The following GPR39 variants were observed in gnomAD, a reference collection of about 807,000 sequenced individuals.
The protein encoded by GPR39 is G protein-coupled receptor 39.
Under a neutral mutation model 18.4 loss-of-function variants are expected in GPR39, and 23 were observed. The ratio of observed to expected loss-of-function variants is 1.25; its 90% confidence interval spans 0.90 to 1.77. The LOEUF (loss-of-function observed/expected upper bound fraction) is 1.77. GPR39 is among the 40% of genes most tolerant of loss of function. The probability of loss-of-function intolerance (pLI) is 0.00; values close to 1 mark genes in which losing one functional copy is unlikely to be tolerated. For synonymous variants in GPR39, 280 were observed against 257.9 expected (o/e 1.09, Z -0.82); for missense variants, 647 against 602.4 (o/e 1.07, Z -0.78).
At chr2:132,449,926 T>A (rs1680604112) in intron 1 of GPR39, among the ~76,000 whole-genome samples, 1 of 152,102 alleles carries the variant, frequency 6.6e-6, no homozygotes, top group African/African-American at 2.4e-5. Context: ...CCTGGTACAA[T>A]CTCCTACAGG....
Position 132,417,711 on chromosome 2 carries a change from C to A in GPR39, c.669C>A (p.Ser223Arg). ...GCCGCTGGACCGTGTTCCAGTCCAG[C>A]ATCTTCGGCGCCTTCGTGGTCTACC... ...LSSRWTVFQSSIFGAFVVYLV... is the reference protein window; with the variant it reads ...LSSRWTVFQSRIFGAFVVYLV... Residue 223 changes from serine (S) to arginine (R), a missense_variant, in exon 1 of 2, where the codon AGC becomes AGA. Around this residue, in one of 3 missense-constraint regions of GPR39, gnomAD observed 581 missense variants for 506.8 expected, o/e 1.15. Coordinates refer to ENST00000329321, the MANE Select transcript of GPR39 (RefSeq NM_001508.3). 1 of 1,614,208 alleles carries A rather than the reference C, an allele frequency of 6.2e-7. No individual in the cohort carries two copies. The highest frequency in any genetic ancestry group is 8.5e-7 in the Non-Finnish European group (1 of 1,180,032).
intron 1 of GPR39, among the ~76,000 whole-genome samples, chr2:132,440,402 G>C (rs1433211629): frequency 6.6e-6 from 1 of 152,194 alleles, no homozygotes; most frequent in Non-Finnish European, 1.5e-5. Flanking sequence ...GGACTGCTGG[G>C]TTCCAATCCC....
At position 132,641,072 on chromosome 2, in the gene GPR39, T is replaced by G. The variant is rs7603846; in HGVS notation, c.857-4029T>G. 2.6e-3 allele frequency among the ~76,000 whole-genome samples: 400 copies of G among 152,320 alleles called. 4 individuals are homozygous for G. The highest frequency in any genetic ancestry group is 9.1e-3 in the African/African-American group (380 of 41,572). Reference sequence around the variant, plus strand: ...ACACAGGAAGAAAAGCGCCAGCCATTTTCCCCACCTCCAGTTGAGGCAGGG... The same window carrying G: ...ACACAGGAAGAAAAGCGCCAGCCATGTTCCCCACCTCCAGTTGAGGCAGGG... On this transcript the variant is annotated intron_variant, in intron 1 of 1. Coordinates refer to ENST00000329321, the MANE Select transcript of GPR39 (RefSeq NM_001508.3).
chr2:132,480,836 G>A (rs940361286), intron 1 of GPR39, among the ~76,000 whole-genome samples: 10 of 152,080 alleles, frequency 6.6e-5, no homozygotes, highest in African/African-American at 9.7e-5. Context: ...TTTGTTTTGC[G>A]TTTTCTCTCA....
chr2:132,490,131 G>T (rs1338579856), intron 1 of GPR39, among the ~76,000 whole-genome samples: 1 of 151,892 alleles, frequency 6.6e-6, no homozygotes, highest in East Asian at 1.9e-4. Flanking sequence ...CCTACTAGTT[G>T]AAAGAGCCAG....
chr2:132,481,229 G>A (rs1008724690), intron 1 of GPR39, among the ~76,000 whole-genome samples: 1 of 152,182 alleles, frequency 6.6e-6, no homozygotes, highest in Admixed American at 6.5e-5. Context: ...GTTTACAAAT[G>A]TATTCGTGTC....
intron 1 of GPR39, among the ~76,000 whole-genome samples, chr2:132,449,036 T>A (rs1273764789): frequency 6.6e-6 from 1 of 152,158 alleles, no homozygotes; most frequent in African/African-American, 2.4e-5. Context: ...AAATACCACC[T>A]TGCATGGTAT....
rs573981417 is a variant in GPR39, at chr2:132,533,401, G to A, written c.857-111700G>A. ...CTCATGGGTAGGAAGAATCAATATC[G>A]TGAAAATGGCCATACTGCCCCAGGT... On this transcript the variant is annotated intron_variant, in intron 1 of 1. Coordinates refer to ENST00000329321, the MANE Select transcript of GPR39 (RefSeq NM_001508.3). Among the ~76,000 whole-genome samples the A allele has an allele frequency of 3.0e-4, 43 of 141,856 alleles. 1 individual carries two copies. The highest frequency in any genetic ancestry group is 8.2e-4 in the East Asian group (3 of 3,670). The allele number at this position is 141,856 out of a possible 152,430, so 93.1% of individuals were successfully genotyped here. A position where few individuals can be genotyped will look rare whatever the true frequency, so the allele number is the denominator to read the frequency against.
intron 1 of GPR39, among the ~76,000 whole-genome samples, chr2:132,448,908 C>T (rs1680585099): frequency 6.6e-6 from 1 of 152,158 alleles, no homozygotes; most frequent in South Asian, 2.1e-4. Flanking sequence ...TTTTTGGTAC[C>T]TTTCTGAGTA....
intron 1 of GPR39, among the ~76,000 whole-genome samples, chr2:132,472,994 C>T (rs1413343790): frequency 2.0e-5 from 3 of 152,014 alleles, no homozygotes; most frequent in African/African-American, 7.3e-5. Context: ...CCCTGCACCA[C>T]CAGATTTGCT....
intron 1 of GPR39, among the ~76,000 whole-genome samples, chr2:132,424,977 C>T (rs534757521): frequency 1.4e-4 from 22 of 152,292 alleles, no homozygotes; most frequent in South Asian, 2.1e-4. Context: ...AGGCCCAAAC[C>T]GCCCCCATGT....
At position 132,451,174 on chromosome 2, in the gene GPR39, T is replaced by TGTGTGCGC. The variant is rs3219552; in HGVS notation, c.856+33277_856+33278insTGTGCGCG. ...GTGTGTGTGTGTGTGTGTGTGTGTG[T>TGTGTGCGC]GCACGCGCGTGAAATGCTTTGCCCT... On this transcript the variant is annotated intron_variant, in intron 1 of 1. Coordinates refer to ENST00000329321, the MANE Select transcript of GPR39 (RefSeq NM_001508.3). Among the ~76,000 whole-genome samples the TGTGTGCGC allele has an allele frequency of 1.4e-3, 217 of 150,460 alleles. 4 individuals carry two copies. The highest frequency in any genetic ancestry group is 7.7e-4 in the Non-Finnish European group (52 of 67,614).
chr2:132,518,205 T>G (rs1355088088), intron 1 of GPR39, among the ~76,000 whole-genome samples: 6 of 152,204 alleles, frequency 3.9e-5, no homozygotes. Flanking sequence ...TTTATTATAA[T>G]TATTGAAAGC....
chr2:132,430,621 T>G (rs532320094), intron 1 of GPR39, among the ~76,000 whole-genome samples: 7 of 152,204 alleles, frequency 4.6e-5, no homozygotes, highest in African/African-American at 1.7e-4. Flanking sequence ...CATCCCATCT[T>G]TGTTGCCACT....
intron 1 of GPR39, among the ~76,000 whole-genome samples, chr2:132,466,156 A>G (rs1054179026): frequency 6.6e-6 from 1 of 152,174 alleles, no homozygotes; most frequent in Admixed American, 6.5e-5. Flanking sequence ...TAACATCCAC[A>G]GGGGTTTGGA....
At chr2:132,438,573 C>CTTTTTTTTTTTTTTTTTTTTT (rs35614907) in intron 1 of GPR39, among the ~76,000 whole-genome samples, 16 of 97,762 alleles carry the variant, frequency 1.6e-4, no homozygotes, top group South Asian at 3.6e-4. Context: ...TGTCAGCAAG[C>CTTTTTTTTTTTTTTTTTTTTT]TTTTTTTTTT....
intron 1 of GPR39, among the ~76,000 whole-genome samples, chr2:132,540,233 T>A (rs560133399): frequency 6.8e-6 from 1 of 146,588 alleles, no homozygotes; most frequent in South Asian, 2.2e-4. Context: ...AAAATTGTCA[T>A]ACTAAGCCCT....
intron 1 of GPR39, among the ~76,000 whole-genome samples, chr2:132,615,506 G>C (rs947953624): frequency 6.6e-6 from 1 of 152,110 alleles, no homozygotes; most frequent in African/African-American, 2.4e-5. Context: ...CTTTATTGGA[G>C]AGCAGGCCTG....
rs1553451621 is a variant in GPR39, at chr2:132,492,858, T to TACCATATATGTAC, written c.856+74970_856+74982dup. Among the ~76,000 whole-genome samples, 1,213 of 140,810 alleles carry TACCATATATGTAC rather than the reference T, an allele frequency of 8.6e-3. 26 individuals are homozygous for TACCATATATGTAC. The highest frequency in any genetic ancestry group is 0.031 in the African/African-American group (1,152 of 37,684). The allele number at this position is 140,810 out of a possible 152,430, so 92.4% of individuals were successfully genotyped here. On this transcript the variant is annotated intron_variant, in intron 1 of 1. Coordinates refer to ENST00000329321, the MANE Select transcript of GPR39 (RefSeq NM_001508.3). Reference sequence around the variant, plus strand: ...ACACACCATATATACACCATATATATACCATATATGTACACCATATATATA... The same window carrying TACCATATATGTAC: ...ACACACCATATATACACCATATATATACCATATATGTACACCATATATGTACACCATATATATA...
Sources: allele counts gnomAD v4.1 joint callset (sites outside exome capture counted in the v4.1 genomes callset), GRCh38; gene constraint gnomAD v4.1.1; regional missense constraint gnomAD v4.1.1; transcripts MANE v1.5; gene names NCBI Gene and HGNC (gene_info 2026-07-23, HGNC 2026-07-21).